The following SEMA6D variants were observed in gnomAD, a reference collection of about 807,000 sequenced individuals.
SEMA6D encodes the protein semaphorin 6D.
In SEMA6D, 35 loss-of-function variants were observed where a neutral mutation model predicts 106.6. The observed-to-expected ratio is 0.33, with a 90% CI of 0.25 to 0.44. The LOEUF is 0.44. SEMA6D is among the 20% of genes least tolerant of loss of function. The pLI is 1.00. For synonymous variants in SEMA6D, 499 were observed against 487.7 expected, an observed-to-expected ratio of 1.02 and a Z score of -0.31; for missense variants, 1,185 against 1,345.9, an observed-to-expected ratio of 0.88 and a Z score of 1.87.
intron 1 of SEMA6D, among the ~76,000 whole-genome samples, chr15:47,739,274 A>G (rs1457287914): frequency 6.6e-6 from 1 of 152,222 alleles, no homozygotes; most frequent in East Asian, 1.9e-4. Context: ...GTTGGAGCAC[A>G]GTGGACTAGT....
intron 1 of SEMA6D, among the ~76,000 whole-genome samples, chr15:47,198,313 C>T (rs894843768): frequency 1.3e-5 from 2 of 151,894 alleles, no homozygotes; most frequent in African/African-American, 2.4e-5. Context: ...TTGCTGTGGG[C>T]GGATTTTGTG....
At chr15:47,730,283 T>C in intron 1 of SEMA6D, 11 of 1,535,312 alleles carry the variant, frequency 7.2e-6, no homozygotes, top group Non-Finnish European at 9.8e-6. Context: ...CCTGATAGCT[T>C]CCACCAGCTT....
At chr15:47,596,323 G>A (rs1009374875) in intron 3 of SEMA6D, among the ~76,000 whole-genome samples, 1 of 151,864 alleles carries the variant, frequency 6.6e-6, no homozygotes, top group Non-Finnish European at 1.5e-5. Context: ...TTCATGCCTT[G>A]GAAAAATTAA....
At chr15:47,367,398 A>C (rs1196612869) in intron 1 of SEMA6D, among the ~76,000 whole-genome samples, 1 of 152,212 alleles carries the variant, frequency 6.6e-6, no homozygotes, top group Non-Finnish European at 1.5e-5. Flanking sequence ...TGGTACTGGC[A>C]ACACTGAAAT....
Position 47,771,851 on chromosome 15 carries a change from G to A in SEMA6D, c.*66G>A. The A allele has an allele frequency of 6.8e-7, 1 of 1,464,114 alleles. No individual in the cohort carries two copies. Among genetic ancestry groups the A allele is most frequent in the Non-Finnish European group, 9.3e-7 (1 of 1,077,240 alleles). The allele number at this position is 1,464,114 out of a possible 1,614,324, so 90.7% of individuals were successfully genotyped here. On this transcript the variant is annotated 3_prime_UTR_variant, in exon 19 of 19. Transcript: ENST00000536845. ...TGTTGTTGAGAGGATGATGTTGTAA[G>A]GGTACCTTAAAACAAGAGACTCGCT...
rs1278225523 is a variant in SEMA6D, at chr15:47,761,365, A to G, written c.381A>G (p.Pro127=). The stretch of plus-strand genomic sequence containing the variant: ...ACAACTTTATCAAAGTATTTGTTCC[A>G]AGAAACGATGAGATGGTTTTTGTTT... ...ECHNFIKVFV[P]RNDEMVFVCG... Residue 127 remains proline, a synonymous_variant, in exon 6 of 19, where the codon CCA becomes CCG. Transcript: ENST00000536845. 1 of 1,613,436 alleles carries G rather than the reference A, an allele frequency of 6.2e-7. No individual in the cohort carries two copies. The highest frequency in any genetic ancestry group is 2.2e-5 in the East Asian group (1 of 44,830).
intron 4 of SEMA6D, among the ~76,000 whole-genome samples, chr15:47,674,092 A>C (rs2078193847): frequency 6.6e-6 from 1 of 152,138 alleles, no homozygotes; most frequent in Admixed American, 6.5e-5. Flanking sequence ...TCTCAACACA[A>C]AACCAGCACT....
chr15:47,538,962 C>T (rs1403083619), intron 3 of SEMA6D, among the ~76,000 whole-genome samples: 1 of 152,086 alleles, frequency 6.6e-6, no homozygotes, highest in African/African-American at 2.4e-5. Flanking sequence ...ACTTAGAGCT[C>T]ATGGGATAAG....
chr15:47,613,685 A>G lies in SEMA6D; in HGVS notation c.-55+12789A>G, dbSNP rs1027552201. Among the ~76,000 whole-genome samples the G allele has an allele frequency of 1.1e-4, 17 of 152,028 alleles. 1 individual carries two copies. The highest frequency in any genetic ancestry group is 4.1e-4 in the African/African-American group (17 of 41,478). On this transcript the variant is annotated intron_variant, in intron 4 of 19. Transcript: ENST00000558014. Reference sequence around the variant, plus strand: ...TTTTGAGACGGAGTCTCACTCTGTCACCCAGGCTGGAGTGCTGGAGTGTGG... The same window carrying G: ...TTTTGAGACGGAGTCTCACTCTGTCGCCCAGGCTGGAGTGCTGGAGTGTGG...
intron 1 of SEMA6D, among the ~76,000 whole-genome samples, chr15:47,393,685 C>T (rs76362906): frequency 0.03 from 4,558 of 152,088 alleles, 218 homozygotes; most frequent in African/African-American, 0.1. Flanking sequence ...CCAACCTTAA[C>T]AGGGAAACCC....
intron 4 of SEMA6D, among the ~76,000 whole-genome samples, chr15:47,709,699 T>G (rs1323149344): frequency 1.3e-5 from 2 of 152,182 alleles, no homozygotes; most frequent in Non-Finnish European, 2.9e-5. Flanking sequence ...ACTCACCGTC[T>G]CTTAGAGTAT....
intron 4 of SEMA6D, among the ~76,000 whole-genome samples, chr15:47,647,958 C>G (rs538730187): frequency 1.3e-5 from 2 of 152,146 alleles, no homozygotes; most frequent in South Asian, 2.1e-4. Flanking sequence ...CTCACGTATT[C>G]TGGATGATTT....
chr15:47,767,233 C>A, intron 17 of SEMA6D, 140 bp downstream of exon 17: 1 of 555,928 alleles, frequency 1.8e-6, no homozygotes, highest in Non-Finnish European at 3.2e-6. Context: ...CTGATGGTAC[C>A]AAAAGACTTT....
intron 1 of SEMA6D, among the ~76,000 whole-genome samples, chr15:47,356,967 A>T (rs979948053): frequency 2.0e-5 from 3 of 152,230 alleles, no homozygotes; most frequent in Non-Finnish European, 2.9e-5. Context: ...AGAGATATTG[A>T]CTACCCCAAA....
At chr15:47,765,452 T>C (rs2082285764) in intron 13 of SEMA6D, 1 of 995,064 alleles carries the variant, frequency 1.0e-6, no homozygotes, top group Non-Finnish European at 1.2e-6. Context: ...CTTCCTATCT[T>C]TAATAAGTAA....
intron 1 of SEMA6D, among the ~76,000 whole-genome samples, chr15:47,282,078 T>A (rs187470462): frequency 2.2e-4 from 33 of 152,288 alleles, no homozygotes; most frequent in Middle Eastern, 3.4e-3. Flanking sequence ...GTGATAATAA[T>A]GTGCTTAGTA....
intron 1 of SEMA6D, among the ~76,000 whole-genome samples, chr15:47,293,219 T>C (rs2035664029): frequency 6.6e-6 from 1 of 152,176 alleles, no homozygotes; most frequent in Non-Finnish European, 1.5e-5. Context: ...CCTCCAGCAG[T>C]GTGCCTCATC....
At chr15:47,506,690 G>A (rs1017702694) in intron 3 of SEMA6D, among the ~76,000 whole-genome samples, 5 of 151,862 alleles carry the variant, frequency 3.3e-5, no homozygotes, top group African/African-American at 1.2e-4. Context: ...AAAAGGCAGT[G>A]CAGTGGAGGG....
chr15:47,243,850 C>T (rs1408318184), intron 1 of SEMA6D, among the ~76,000 whole-genome samples: 2 of 152,086 alleles, frequency 1.3e-5, no homozygotes, highest in Non-Finnish European at 2.9e-5. Context: ...ATTTATTTTT[C>T]ATGAAAATGA....
Sources: gnomAD v4.1 joint callset for allele counts (sites outside exome capture counted in the v4.1 genomes callset) on GRCh38, gnomAD v4.1.1 for gene constraint, MANE v1.5 for transcripts, NCBI Gene and HGNC (gene_info 2026-07-23, HGNC 2026-07-21) for gene names.